The following WDTC1 variants were observed in gnomAD, a reference collection of about 807,000 sequenced individuals.
WDTC1 encodes WD and tetratricopeptide repeats 1.
WDTC1 carries 12 observed loss-of-function variants against 76.0 expected under a neutral mutation model. The observed-to-expected ratio is 0.16, with a 90% CI of 0.10 to 0.26. The LOEUF (loss-of-function observed/expected upper bound fraction) is 0.26, where lower values mean the gene tolerates loss of function less well. WDTC1 is among the 10% of genes least tolerant of loss of function. The pLI is 1.00. For synonymous variants in WDTC1, 326 were observed against 350.8 expected, an observed-to-expected ratio of 0.93 and a Z score of 0.79; for missense variants, 511 against 908.8, an observed-to-expected ratio of 0.56 and a Z score of 5.63.
intron 1 of WDTC1, among the ~76,000 whole-genome samples, chr1:27,236,569 G>A (rs906586285): frequency 6.6e-6 from 1 of 152,174 alleles, no homozygotes; most frequent in African/African-American, 2.4e-5. Flanking sequence ...GAGAACACGT[G>A]TAAATATTAT....
intron 3 of WDTC1, among the ~76,000 whole-genome samples, chr1:27,275,906 C>T (rs1268919658): frequency 6.6e-6 from 1 of 152,208 alleles, no homozygotes; most frequent in Non-Finnish European, 1.5e-5. Context: ...TTCCTTCTCC[C>T]ATACTGGCCC....
At chr1:27,281,222 G>A (rs2013179338) in intron 3 of WDTC1, among the ~76,000 whole-genome samples, 1 of 152,076 alleles carries the variant, frequency 6.6e-6, no homozygotes, top group South Asian at 2.1e-4. Context: ...AGCACTTTGG[G>A]AGGCCGAGGC....
chr1:27,256,458 T>C (rs966212297), intron 1 of WDTC1, among the ~76,000 whole-genome samples: 1 of 152,246 alleles, frequency 6.6e-6, no homozygotes, highest in Admixed American at 6.5e-5. Flanking sequence ...TGCTTCCCAC[T>C]AGACTCAAAA....
Position 27,303,576 on chromosome 1 carries a change from G to A in WDTC1, c.1469-45G>A. On this transcript the variant is annotated intron_variant, in intron 13 of 15. Transcript: ENST00000319394. The surrounding 1 kb of genome is among the most constrained non-coding windows in gnomAD (Gnocchi z 4.8). Reference sequence around the variant, plus strand: ...ATAGGTGGGGGAAAATAGGGAAGGAGAGAAAGGAACAAGGCGCTTACCTTT... The same window carrying A: ...ATAGGTGGGGGAAAATAGGGAAGGAAAGAAAGGAACAAGGCGCTTACCTTT... 1 of 1,535,902 alleles carries A rather than the reference G, an allele frequency of 6.5e-7. No individual in the cohort carries two copies. Among genetic ancestry groups the A allele is most frequent in the African/African-American group, 1.4e-5 (1 of 70,800 alleles).
intron 11 of WDTC1, 100 bp from the exon 12 acceptor site, chr1:27,297,838 C>A: frequency 1.5e-6 from 2 of 1,322,726 alleles, no homozygotes; most frequent in African/African-American, 1.5e-5. Context: ...ATCCCAGGGG[C>A]CAAGAAAATC....
intron 1 of WDTC1, among the ~76,000 whole-genome samples, chr1:27,258,686 A>C (rs2012371862): frequency 6.6e-6 from 1 of 152,210 alleles, no homozygotes; most frequent in African/African-American, 2.4e-5. Context: ...TTATTGTCCT[A>C]CTGCATGCCT....
chr1:27,304,131 C>T (rs2013897802), intron 14 of WDTC1: 1 of 289,440 alleles, frequency 3.5e-6, no homozygotes, highest in Non-Finnish European at 6.5e-6. Context: ...CAAGGAACCT[C>T]CCTCTGCTTG....
chr1:27,264,195 C>T (rs1448713408), intron 3 of WDTC1, among the ~76,000 whole-genome samples: 4 of 151,830 alleles, frequency 2.6e-5, no homozygotes, highest in Non-Finnish European at 5.9e-5. Flanking sequence ...GGCTAAGGCA[C>T]GAGAATTGCT....
chr1:27,300,037 C>T (rs1378861838), intron 12 of WDTC1, among the ~76,000 whole-genome samples: 1 of 152,180 alleles, frequency 6.6e-6, no homozygotes, highest in East Asian at 1.9e-4. Context: ...CCTGCTCCTT[C>T]GTCAGAGCCA....
In WDTC1 at chr1:27,305,925, C is replaced by T. The variant is rs2013943220; in HGVS notation, c.1837-261C>T. Among the ~76,000 whole-genome samples the T allele has an allele frequency of 6.6e-6, 1 of 152,076 alleles. No homozygotes were observed. On this transcript the variant is annotated intron_variant, in intron 15 of 15. Coordinates refer to ENST00000319394, the MANE Select transcript of WDTC1 (RefSeq NM_001276252.2). The surrounding 1 kb of genome is among the most constrained non-coding windows in gnomAD (Gnocchi z 4.6). ...AACATATCCTGGTGTGTACTGTCCCCCACGTATATCCCAGCATGTTATGAC... is the reference window on the plus strand; with the variant it reads ...AACATATCCTGGTGTGTACTGTCCCTCACGTATATCCCAGCATGTTATGAC...
chr1:27,244,150 CAAAT>C (rs1249039283), intron 1 of WDTC1, among the ~76,000 whole-genome samples: 3 of 149,264 alleles, frequency 2.0e-5, no homozygotes, highest in African/African-American at 2.5e-5. Context: ...TGTCTCAAAA[CAAAT>C]AAAAATTTTT....
chr1:27,296,256 C>G, intron 9 of WDTC1, 70 bp from the exon 10 acceptor site: 1 of 1,570,472 alleles, frequency 6.4e-7, no homozygotes. Context: ...GAAACCAAGA[C>G]CTGCTTACTG....
intron 6 of WDTC1, among the ~76,000 whole-genome samples, chr1:27,288,448 T>C (rs891897104): frequency 6.6e-6 from 1 of 152,030 alleles, no homozygotes; most frequent in African/African-American, 2.4e-5. Flanking sequence ...GGTCAGCAGA[T>C]TAACAAGTGA....
chr1:27,294,222 A>G (rs1374449265), intron 8 of WDTC1, 106 bp downstream of exon 8: 7 of 1,173,842 alleles, frequency 6.0e-6, no homozygotes, highest in Non-Finnish European at 1.2e-6. Flanking sequence ...CAAGGGTTTT[A>G]GAGTCAGACA....
chr1:27,252,596 G>A (rs1400688752), intron 1 of WDTC1, among the ~76,000 whole-genome samples: 2 of 151,942 alleles, frequency 1.3e-5, no homozygotes, highest in African/African-American at 2.4e-5. Flanking sequence ...CCAGGCATTC[G>A]AGACCAGCTT....
intron 3 of WDTC1, among the ~76,000 whole-genome samples, chr1:27,269,619 CG>C (rs763485649): frequency 3.8e-4 from 8 of 21,180 alleles, no homozygotes; most frequent in Admixed American, 1.1e-3. Flanking sequence ...TTTTTTTTTT[CG>C]GTTTTTTTTT....
intron 7 of WDTC1, 118 bp downstream of exon 7, chr1:27,292,515 C>A: frequency 3.1e-6 from 3 of 983,128 alleles, no homozygotes; most frequent in Non-Finnish European, 4.2e-6. Context: ...GCAGCCTCAA[C>A]CTCCCAGGCT....
chr1:27,292,414 C>T lies in WDTC1; in HGVS notation c.662+17C>T, dbSNP rs778849701. 4.6e-6 allele frequency: 7 copies of T among 1,519,822 alleles called. No homozygotes were observed. The South Asian group carries it at 8.9e-5, about 19-fold the overall frequency. 94.1% of individuals were successfully genotyped at this position (1,519,822 alleles called of 1,614,324 possible). On this transcript the variant is annotated intron_variant, in intron 7 of 15. Coordinates refer to ENST00000319394, the MANE Select transcript of WDTC1 (RefSeq NM_001276252.2). Reference sequence around the variant, plus strand: ...TAACCACAGGTATGAATAGTTCAGCCTCCTGTCTCCTGTGAGTAAGTCCCC... The same window carrying T: ...TAACCACAGGTATGAATAGTTCAGCTTCCTGTCTCCTGTGAGTAAGTCCCC...
At chr1:27,293,448 A>AT (rs1279584341) in intron 7 of WDTC1, among the ~76,000 whole-genome samples, 1 of 150,868 alleles carries the variant, frequency 6.6e-6, no homozygotes, top group Admixed American at 6.6e-5. Context: ...AAAAAAAAAA[A>AT]AAAAAGTATA....
Sources: allele counts gnomAD v4.1 joint callset (sites outside exome capture counted in the v4.1 genomes callset), GRCh38; gene constraint gnomAD v4.1.1; non-coding constraint Gnocchi (gnomAD v3.1); transcripts MANE v1.5; gene names NCBI Gene and HGNC (gene_info 2026-07-23, HGNC 2026-07-21).